Variants in UMAD1 observed in about 807,000 individuals in gnomAD.
The protein encoded by UMAD1 is UBAP1-MVB12-associated (UMA) domain containing 1, also known as UBAP1-MVB12-associated (UMA)-domain containing protein 1.
Under a neutral mutation model 6.1 loss-of-function variants are expected in UMAD1, and 8 were observed. The observed-to-expected ratio is 1.30, with a 90% CI of 0.76 to 2.35. The LOEUF (loss-of-function observed/expected upper bound fraction) is 2.35, where lower values mean the gene tolerates loss of function less well. Ranked by LOEUF, UMAD1 falls within the 30% of genes most tolerant of loss-of-function variation. The pLI is 0.00. For synonymous variants in UMAD1, 56 were observed against 31.4 expected (o/e 1.78, Z -2.61); for missense variants, 130 against 78.4 (o/e 1.66, Z -2.49).
chr7:7,809,224 A>C (rs559445362), intron 3 of UMAD1, among the ~76,000 whole-genome samples: 28 of 152,080 alleles, frequency 1.8e-4, no homozygotes, highest in African/African-American at 6.5e-4. Context: ...TTATTCAGGT[A>C]ATTTCAAACA....
chr7:7,794,752 T>C (rs1456838654), intron 2 of UMAD1, among the ~76,000 whole-genome samples: 3 of 152,198 alleles, frequency 2.0e-5, no homozygotes, highest in Non-Finnish European at 4.4e-5. Flanking sequence ...GAAATGGCCC[T>C]GCAAAGCTGT....
chr7:7,709,458 G>A (rs544295889), intron 2 of UMAD1, among the ~76,000 whole-genome samples: 10 of 152,354 alleles, frequency 6.6e-5, no homozygotes, highest in South Asian at 2.1e-4. Context: ...CCCGAGGAGG[G>A]CAGAATGCTG....
At chr7:7,771,970 C>CTA (rs1011695332) in intron 2 of UMAD1, among the ~76,000 whole-genome samples, 3 of 151,632 alleles carry the variant, frequency 2.0e-5, no homozygotes, top group African/African-American at 2.4e-5. Context: ...GTATATATAT[C>CTA]TATATATATA....
intron 2 of UMAD1, among the ~76,000 whole-genome samples, chr7:7,776,095 A>G (rs558038842): frequency 2.6e-5 from 4 of 152,324 alleles, no homozygotes; most frequent in Non-Finnish European, 4.4e-5. Flanking sequence ...ATAGAACTGC[A>G]CACTGAAAAG....
chr7:7,710,872 G>A (rs752659945), intron 2 of UMAD1, among the ~76,000 whole-genome samples: 1 of 152,186 alleles, frequency 6.6e-6, no homozygotes, highest in African/African-American at 2.4e-5. Context: ...GTAACAAACT[G>A]TTGATATATA....
chr7:7,715,603 A>AT (rs1304779930), intron 2 of UMAD1, among the ~76,000 whole-genome samples: 1 of 152,204 alleles, frequency 6.6e-6, no homozygotes, highest in Non-Finnish European at 1.5e-5. Flanking sequence ...TTTCATTCAA[A>AT]TGAGGATAAA....
intron 3 of UMAD1, among the ~76,000 whole-genome samples, chr7:7,852,205 G>A (rs1783929229): frequency 1.3e-5 from 2 of 152,150 alleles, no homozygotes; most frequent in Non-Finnish European, 2.9e-5. Context: ...ATTTCTGGAT[G>A]TTTGGAAAAA....
chr7:7,690,609 A>C lies in UMAD1; in HGVS notation c.82+17156A>C, dbSNP rs575252229. Among the ~76,000 whole-genome samples, 10 of 152,318 alleles carry C rather than the reference A, an allele frequency of 6.6e-5. No individual in the cohort carries two copies. The South Asian group carries it at 2.1e-3, about 32-fold the overall frequency. Reference sequence around the variant, plus strand: ...GAGCTAAAAGGACATCTTAGGGATAATTCTAAACAGCCACATATGTAAATA... The same window carrying C: ...GAGCTAAAAGGACATCTTAGGGATACTTCTAAACAGCCACATATGTAAATA... On this transcript the variant is annotated intron_variant, in intron 2 of 3. Coordinates refer to ENST00000682710, the MANE Select transcript of UMAD1 (RefSeq NM_001302348.2).
rs542719265 is a variant in UMAD1 at position 7,687,984 on chromosome 7, A to T, written c.82+14531A>T. 3.7e-4 allele frequency among the ~76,000 whole-genome samples: 56 copies of T among 152,332 alleles called. No homozygotes were observed. The South Asian group carries it at 3.7e-3, about 10-fold the overall frequency. On this transcript the variant is annotated intron_variant, in intron 2 of 3. Transcript: ENST00000682710. ...CTGTAACCCCTGAAATAGCTTGTTG[A>T]TGGATGGCTTGAAGAAGTTGATAAC...
intron 3 of UMAD1, among the ~76,000 whole-genome samples, chr7:7,862,448 T>G (rs1212032611): frequency 6.6e-6 from 1 of 152,226 alleles, no homozygotes; most frequent in Non-Finnish European, 1.5e-5. Flanking sequence ...CATTACATTC[T>G]GAAGAAGTTG....
chr7:7,658,043 G>A (rs558396518), intron 1 of UMAD1, among the ~76,000 whole-genome samples: 85 of 151,960 alleles, frequency 5.6e-4, no homozygotes, highest in Non-Finnish European at 6.9e-4. Context: ...TTGTAAGTTG[G>A]ATTCCTAGGT....
chr7:7,838,416 A>G (rs1275011325), intron 3 of UMAD1, among the ~76,000 whole-genome samples: 4 of 152,230 alleles, frequency 2.6e-5, no homozygotes, highest in Non-Finnish European at 5.9e-5. Context: ...GATGCATGGA[A>G]GATTTATGAA....
chr7:7,799,359 C>A (rs1782752779), intron 2 of UMAD1, among the ~76,000 whole-genome samples: 1 of 152,196 alleles, frequency 6.6e-6, no homozygotes, highest in South Asian at 2.1e-4. Context: ...AACAGTGATT[C>A]TGCAATTGCT....
intron 2 of UMAD1, chr7:7,742,047 G>A: frequency 5.6e-6 from 3 of 536,770 alleles, no homozygotes; most frequent in Non-Finnish European, 1.1e-5. Flanking sequence ...CCATTGTACA[G>A]CACAGGGCTT....
chr7:7,665,646 G>C (rs1406530325), intron 1 of UMAD1, among the ~76,000 whole-genome samples: 5 of 152,104 alleles, frequency 3.3e-5, no homozygotes. Flanking sequence ...TCACTTCCAA[G>C]AGTTTCCTGC....
At chr7:7,730,266 A>T (rs1049484435) in intron 2 of UMAD1, among the ~76,000 whole-genome samples, 1 of 152,134 alleles carries the variant, frequency 6.6e-6, no homozygotes, top group Non-Finnish European at 1.5e-5. Context: ...AAAAATACCA[A>T]TGTCTGCGAT....
chr7:7,774,638 A>T (rs60242863), intron 2 of UMAD1, among the ~76,000 whole-genome samples: 10,706 of 152,226 alleles, frequency 0.07, 813 homozygotes, highest in African/African-American at 0.19. Flanking sequence ...ATTAAATTTT[A>T]CTAACATAGA....
At chr7:7,869,085 A>G (rs1158155397) in intron 3 of UMAD1, among the ~76,000 whole-genome samples, 3 of 152,158 alleles carry the variant, frequency 2.0e-5, no homozygotes, top group Non-Finnish European at 4.4e-5. Flanking sequence ...TCAGGCATTT[A>G]ATAGCTAGAC....
intron 2 of UMAD1, among the ~76,000 whole-genome samples, chr7:7,784,756 CTTTTTTTT>C (rs71014716): frequency 6.4e-5 from 5 of 78,538 alleles, no homozygotes; most frequent in South Asian, 5.0e-4. Flanking sequence ...GCCCTTCCTT[CTTTTTTTT>C]TTTTTTTTTT....
Sources: gnomAD v4.1 joint callset for allele counts (sites outside exome capture counted in the v4.1 genomes callset) on GRCh38, gnomAD v4.1.1 for gene constraint, MANE v1.5 for transcripts, NCBI Gene and HGNC (gene_info 2026-07-23, HGNC 2026-07-21) for gene names.